LRBA: variants seen among roughly 807,000 people sequenced by gnomAD.
LRBA encodes the protein lipopolysaccharide-responsive and beige-like anchor protein.
Under a neutral mutation model 330.0 loss-of-function variants are expected in LRBA, and 176 were observed. That is an observed-to-expected ratio of 0.53 (90% confidence interval 0.47 to 0.60). The LOEUF is 0.60. Among genes scored for constraint, LRBA ranks in the 20% least tolerant of loss-of-function variants. LRBA has a pLI of 0.00. For synonymous variants in LRBA, 1,230 were observed against 1,193.0 expected (o/e 1.03, Z -0.64); for missense variants, 3,259 against 3,444.8 (o/e 0.95, Z 1.35).
intron 2 of LRBA, among the ~76,000 whole-genome samples, chr4:150,993,644 T>C (rs934621195): frequency 9.2e-5 from 14 of 152,106 alleles, no homozygotes; most frequent in African/African-American, 3.1e-4. Flanking sequence ...CTCAGGATCA[T>C]GGAGGGAAGC....
rs757895072 is a variant in LRBA, at chr4:150,915,704, G to A, written c.918C>T (p.His306=). ...CACTATTCTTCCATCGGTTATAGAT[G>A]TGTACTATGGTAACCATATACCACT... is the stretch of plus-strand genomic sequence containing the variant. ...PQKWYMVTIV[H]IYNRWKNSEL... The change falls in exon 8 of 57, where the codon CAC becomes CAT. Residue 306 remains histidine, a synonymous_variant. Transcript: ENST00000651943. 2.5e-6 allele frequency: 4 copies of A among 1,609,842 alleles called. No homozygotes were observed. The highest frequency in any genetic ancestry group is 3.4e-6 in the Non-Finnish European group (4 of 1,178,276).
chr4:150,376,525 T>C (rs1212010710), intron 47 of LRBA, among the ~76,000 whole-genome samples: 1 of 152,180 alleles, frequency 6.6e-6, no homozygotes, highest in Non-Finnish European at 1.5e-5. Flanking sequence ...CAAAGAAATA[T>C]TAGCAAAACC....
chr4:150,639,096 C>T (rs1445193302), intron 37 of LRBA, among the ~76,000 whole-genome samples: 1 of 143,000 alleles, frequency 7.0e-6, no homozygotes, highest in Non-Finnish European at 1.5e-5. Flanking sequence ...AGTAAACTAT[C>T]GCAAGAACAA....
intron 40 of LRBA, among the ~76,000 whole-genome samples, chr4:150,522,607 C>G (rs1360464444): frequency 6.6e-6 from 1 of 152,190 alleles, no homozygotes; most frequent in African/African-American, 2.4e-5. Flanking sequence ...TTGGGGCTCA[C>G]CAACCAGCAC....
At chr4:150,718,648 C>T (rs1728549949) in intron 36 of LRBA, among the ~76,000 whole-genome samples, 1 of 152,026 alleles carries the variant, frequency 6.6e-6, no homozygotes, top group Non-Finnish European at 1.5e-5. Context: ...ATTTTCTCTG[C>T]TAAAATTTTA....
chr4:150,357,227 T>C (rs1047499521), intron 47 of LRBA, among the ~76,000 whole-genome samples: 4 of 152,054 alleles, frequency 2.6e-5, no homozygotes, highest in Non-Finnish European at 4.4e-5. Context: ...GTATCGTATC[T>C]TGATATAACT....
chr4:150,848,978 T>G lies in LRBA; in HGVS notation c.4179A>C (p.Glu1393Asp). The change falls in exon 26 of 57, where the codon GAA (glutamate) becomes GAC (aspartate). Residue 1393 changes from glutamate to aspartate, a missense_variant. By Grantham distance (45) the Glu-to-Asp change is conservative (BLOSUM62 2). Coordinates refer to ENST00000651943, the MANE Select transcript of LRBA (RefSeq NM_001364905.1). ...CTTCTATTGAAAGGCCTTGAGTAGG[T>G]TCAATATTTTCCAGTTCATGCTGTA... ...TSATHELENIEPTQGLSIEAS... is the reference protein window; with the variant it reads ...TSATHELENIDPTQGLSIEAS... 6.3e-7 allele frequency: 1 copy of G among 1,597,292 alleles called. No homozygotes were observed. Among genetic ancestry groups the G allele is most frequent in the Non-Finnish European group, 8.5e-7 (1 of 1,174,746 alleles).
chr4:150,818,532 C>CTG (rs74479974), intron 30 of LRBA, among the ~76,000 whole-genome samples: 9,024 of 145,824 alleles, frequency 0.062, 280 homozygotes, highest in Middle Eastern at 0.13. Flanking sequence ...TGACGAATGT[C>CTG]TGTGTGTGTG....
chr4:150,909,601 A>G (rs1181650471), intron 9 of LRBA, among the ~76,000 whole-genome samples: 2 of 152,132 alleles, frequency 1.3e-5, no homozygotes, highest in African/African-American at 2.4e-5. Context: ...GGATGGGCAA[A>G]TATCTCCTTG....
chr4:150,265,522 C>T lies in LRBA; in HGVS notation c.*200G>A, dbSNP rs1231262813. 2.0e-6 allele frequency: 1 copy of T among 495,514 alleles called. No individual in the cohort carries two copies. Among genetic ancestry groups the T allele is most frequent in the Admixed American group, 3.2e-5 (1 of 31,170 alleles). The allele number at this position is 495,514 out of a possible 1,614,324, so 30.7% of individuals were successfully genotyped here. ...ATATAGATTTTTTAAAACTACAGAA[C>T]CCAGCAGCCAGTTTTCTGCTTTGCT... On this transcript the variant is annotated 3_prime_UTR_variant, in exon 57 of 57. Coordinates refer to ENST00000651943, the MANE Select transcript of LRBA (RefSeq NM_001364905.1).
In LRBA at chr4:150,730,824, C is replaced by A. The variant is rs1471958807; in HGVS notation, c.5754+4434G>T. Among the ~76,000 whole-genome samples the A allele has an allele frequency of 2.6e-5, 4 of 151,964 alleles. 1 individual carries two copies. In the South Asian group the frequency reaches 8.3e-4, roughly 32 times the overall value. On this transcript the variant is annotated intron_variant, in intron 36 of 56. Transcript: ENST00000651943. ...CTTGAGGCCAGGAGTTCAAGACCAG[C>A]CTGACCAACACAGCGAAACCCCATC... is the stretch of plus-strand genomic sequence containing the variant.
chr4:150,989,791 A>T (rs1180861373), intron 2 of LRBA, among the ~76,000 whole-genome samples: 1 of 152,052 alleles, frequency 6.6e-6, no homozygotes, highest in East Asian at 1.9e-4. Flanking sequence ...GGGTAAAAAA[A>T]AAAACCTTTT....
chr4:150,613,875 C>T (rs765844083), intron 37 of LRBA, among the ~76,000 whole-genome samples: 4 of 152,208 alleles, frequency 2.6e-5, no homozygotes, highest in Non-Finnish European at 5.9e-5. Flanking sequence ...CTTCCTAGAA[C>T]TCCTTACTTG....
chr4:150,956,201 C>T (rs1737534204), intron 2 of LRBA, among the ~76,000 whole-genome samples: 1 of 148,634 alleles, frequency 6.7e-6, no homozygotes, highest in Admixed American at 6.6e-5. Context: ...GCATTACTAC[C>T]AACCTTACAT....
At chr4:150,387,288 GT>G (rs1263035643) in intron 47 of LRBA, among the ~76,000 whole-genome samples, 5 of 151,980 alleles carry the variant, frequency 3.3e-5, no homozygotes, top group African/African-American at 1.2e-4. Flanking sequence ...TCAAAGTTAT[GT>G]CATAAGGCAA....
At chr4:150,920,916 A>G (rs1733183525) in intron 5 of LRBA, among the ~76,000 whole-genome samples, 1 of 152,258 alleles carries the variant, frequency 6.6e-6, no homozygotes, top group South Asian at 2.1e-4. Context: ...ACACACAAAT[A>G]GCTACTTAAG....
At chr4:150,633,669 C>T (rs902871257) in intron 37 of LRBA, among the ~76,000 whole-genome samples, 1 of 152,156 alleles carries the variant, frequency 6.6e-6, no homozygotes, top group African/African-American at 2.4e-5. Context: ...TTTATGGCTC[C>T]TTATTCCTCT....
At chr4:150,592,372 G>C (rs1222435658) in intron 38 of LRBA, among the ~76,000 whole-genome samples, 1 of 147,502 alleles carries the variant, frequency 6.8e-6, no homozygotes, top group African/African-American at 2.5e-5. Flanking sequence ...AAGGTAAAAG[G>C]TTTTTTTTTT....
rs75569682 is a variant in LRBA at position 150,986,195 on chromosome 4, T to G, written c.216+28232A>C. Among the ~76,000 whole-genome samples, 1,065 of 152,292 alleles carry G rather than the reference T, an allele frequency of 7.0e-3. 7 individuals carry two copies. Among genetic ancestry groups the G allele is most frequent in the African/African-American group, 0.025 (1,040 of 41,562 alleles). On this transcript the variant is annotated intron_variant, in intron 2 of 56. Transcript: ENST00000651943. ...TAGCAGTCCCCAACCTTTATGGCACTAGGGACCAGTTTCACAAAAGACAAT... is the reference window on the plus strand; with the variant it reads ...TAGCAGTCCCCAACCTTTATGGCACGAGGGACCAGTTTCACAAAAGACAAT...
Sources: allele counts gnomAD v4.1 joint callset (sites outside exome capture counted in the v4.1 genomes callset), GRCh38; gene constraint gnomAD v4.1.1; transcripts MANE v1.5; gene names NCBI Gene and HGNC (gene_info 2026-07-23, HGNC 2026-07-21).